PRDM15: variants seen among roughly 807,000 people sequenced by gnomAD.
PRDM15 encodes PR domain zinc finger protein 15.
PRDM15 carries 64 observed loss-of-function variants against 128.6 expected under a neutral mutation model. That is an observed-to-expected ratio of 0.50 (90% CI 0.41 to 0.61). PRDM15 has a LOEUF of 0.61. Among genes scored for constraint, PRDM15 ranks in the 20% least tolerant of loss-of-function variants. The pLI is 0.00. For missense variants in PRDM15, 1,242 were observed against 1,569.1 expected (o/e 0.79, Z 3.52); for synonymous variants, 615 against 621.8 (o/e 0.99, Z 0.16).
At position 41,806,480 on chromosome 21, in the gene PRDM15, TTACTAC is replaced by T. The variant is rs2061645920; in HGVS notation, c.2653-1872_2653-1867del. Reference sequence around the variant, plus strand: ...TCACCATCACCACCAGCACCACCCATTACTACCACCACCATCACCACCATCACCATC... The same window carrying T: ...TCACCATCACCACCAGCACCACCCATCACCACCATCACCACCATCACCATC... On this transcript the variant is annotated intron_variant, in intron 21 of 23. Coordinates refer to ENST00000398548, the MANE Select transcript of PRDM15 (RefSeq NM_001040424.3). 9.9e-5 allele frequency among the ~76,000 whole-genome samples: 4 copies of T among 40,418 alleles called. 1 individual carries two copies. Among genetic ancestry groups the T allele is most frequent in the Admixed American group, 9.3e-4 (3 of 3,214 alleles). 26.5% of individuals were successfully genotyped at this position (40,418 alleles called of 152,430 possible).
Position 41,810,116 on chromosome 21 carries a change from G to A in PRDM15, c.2652+38C>T, listed in dbSNP as rs758035350. On this transcript the variant is annotated intron_variant, in intron 21 of 23. Transcript: ENST00000398548. This position sits in a 1 kb window ranked among gnomAD's most constrained non-coding sequence, Gnocchi z 6.4. ...CATGGGGGTGTCCGGTGCGCGGCCC[G>A]CTGGCGGGGCACGGAGGGGGCACAG... The A allele has an allele frequency of 1.6e-5, 25 of 1,580,064 alleles. No individual in the cohort carries two copies. The highest frequency in any genetic ancestry group is 1.9e-4 in the Middle Eastern group (1 of 5,362).
chr21:41,858,365 G>A (rs2063704066), intron 3 of PRDM15, among the ~76,000 whole-genome samples: 1 of 152,090 alleles, frequency 6.6e-6, no homozygotes, highest in African/African-American at 2.4e-5. Context: ...GACAGAGGCG[G>A]ACATTGGGTG....
intron 4 of PRDM15, among the ~76,000 whole-genome samples, chr21:41,856,080 T>C (rs1421023632): frequency 7.6e-5 from 1 of 13,236 alleles, no homozygotes; most frequent in Admixed American, 6.2e-4. Context: ...CCTCCCTTCC[T>C]TCCCTCCCTC....
At chr21:41,829,530 A>C (rs1458189090) in intron 11 of PRDM15, among the ~76,000 whole-genome samples, 2 of 150,890 alleles carry the variant, frequency 1.3e-5, no homozygotes, top group Admixed American at 1.3e-4. Flanking sequence ...ATAATCACAC[A>C]CCACACAGAT....
At chr21:41,874,529 T>A (rs868233991) in intron 1 of PRDM15, among the ~76,000 whole-genome samples, 211 of 133,416 alleles carry the variant, frequency 1.6e-3, no homozygotes, top group Non-Finnish European at 2.4e-3. Context: ...ATATATATTT[T>A]TTTTTTTTTT....
chr21:41,851,036 G>T (rs570102795), intron 5 of PRDM15, among the ~76,000 whole-genome samples: 2 of 152,132 alleles, frequency 1.3e-5, no homozygotes, highest in Non-Finnish European at 1.5e-5. Context: ...TGGGTTCGTC[G>T]GCTGCCAATA....
chr21:41,815,697 G>A lies in PRDM15; in HGVS notation c.2392+8C>T, dbSNP rs776087805. The A allele has an allele frequency of 1.4e-5, 22 of 1,612,352 alleles. No homozygotes were observed. Among genetic ancestry groups the A allele is most frequent in the Admixed American group, 6.7e-5 (4 of 59,978 alleles). On this transcript the variant is annotated splice_region_variant and intron_variant, in intron 19 of 23. Coordinates refer to ENST00000398548, the MANE Select transcript of PRDM15 (RefSeq NM_001040424.3). ...CCGTGGCTGGCGCGGCCCGGGCCTCGGACTCACCCGTGTGCCGCTTGCAGT... is the reference window on the plus strand; with the variant it reads ...CCGTGGCTGGCGCGGCCCGGGCCTCAGACTCACCCGTGTGCCGCTTGCAGT...
At chr21:41,847,212 GA>G (rs1443567049) in intron 5 of PRDM15, 21 bp from the exon 6 acceptor site, 5 of 1,513,924 alleles carry the variant, frequency 3.3e-6, no homozygotes, top group Admixed American at 2.0e-5. Flanking sequence ...CATGAGAGGA[GA>G]AAAAGGTGAC....
rs766599747 is a variant in PRDM15, at chr21:41,859,124, G to A, written c.131+468C>T. Reference sequence around the variant, plus strand: ...ACTGAGCCGCCTCACCAGGCCTGCAGGGACTGCTTCTGGAAGCTGCTGTGG... The same window carrying A: ...ACTGAGCCGCCTCACCAGGCCTGCAAGGACTGCTTCTGGAAGCTGCTGTGG... On this transcript the variant is annotated intron_variant, in intron 3 of 23. Transcript: ENST00000398548. The surrounding 1 kb of genome is among the most constrained non-coding windows in gnomAD (Gnocchi z 5.3). The A allele has an allele frequency of 1.2e-6, 2 of 1,611,282 alleles. No homozygotes were observed. The highest frequency in any genetic ancestry group is 1.7e-5 in the Admixed American group (1 of 59,586).
chr21:41,810,792 C>T lies in PRDM15; in HGVS notation c.2437G>A (p.Glu813Lys), dbSNP rs2061839871. The T allele has an allele frequency of 1.2e-6, 2 of 1,614,054 alleles. No individual in the cohort carries two copies. The highest frequency in any genetic ancestry group is 1.3e-5 in the African/African-American group (1 of 74,932). ...MCELCGKTFSERNTMETHKLI... is the reference protein window; with the variant it reads ...MCELCGKTFSKRNTMETHKLI... ...TTGTGGGTCTCCATGGTGTTCCTCT[C>T]GCTGAATGTCTTCCCACACAATTCA... The change falls in exon 20 of 24, where the codon GAG becomes AAG. Residue 813 changes from glutamate to lysine, a missense_variant. Glu to Lys is a moderately conservative substitution (Grantham distance 56). Around this residue, in one of 3 missense-constraint regions of PRDM15, gnomAD observed 602 missense variants for 788.3 expected, o/e 0.76. Coordinates refer to ENST00000398548, the MANE Select transcript of PRDM15 (RefSeq NM_001040424.3). This position sits in a 1 kb window ranked among gnomAD's most constrained non-coding sequence, Gnocchi z 6.4.
Position 41,859,178 on chromosome 21 carries a change from C to G in PRDM15, c.131+414G>C. On this transcript the variant is annotated intron_variant, in intron 3 of 23. Coordinates refer to ENST00000398548, the MANE Select transcript of PRDM15 (RefSeq NM_001040424.3). The surrounding 1 kb of genome is among the most constrained non-coding windows in gnomAD (Gnocchi z 5.3). ...AGCCCTGTCCCTGTCCTCATAACCC[C>G]GCATCCCCTGCCCCGCCTGGGTGTG... 6.2e-7 allele frequency: 1 copy of G among 1,614,012 alleles called. No homozygotes were observed. Among genetic ancestry groups the G allele is most frequent in the Non-Finnish European group, 8.5e-7 (1 of 1,180,000 alleles).
chr21:41,830,097 CCA>C (rs1270476710), intron 11 of PRDM15, among the ~76,000 whole-genome samples: 1,951 of 150,340 alleles, frequency 0.013, 21 homozygotes, highest in Non-Finnish European at 0.019. Flanking sequence ...TCAACATACA[CCA>C]CAAACTCAAC....
At chr21:41,866,434 G>A (rs1172239847) in intron 1 of PRDM15, among the ~76,000 whole-genome samples, 1 of 152,256 alleles carries the variant, frequency 6.6e-6, no homozygotes, top group Non-Finnish European at 1.5e-5. Flanking sequence ...GACAGGAGGT[G>A]GCCCCGGCCT....
chr21:41,871,593 C>A, intron 1 of PRDM15: 1 of 1,611,452 alleles, frequency 6.2e-7, no homozygotes, highest in Non-Finnish European at 8.5e-7. Flanking sequence ...AAGAGCTGCT[C>A]ACTGACCCTC....
At chr21:41,874,369 C>T (rs564588251) in intron 1 of PRDM15, among the ~76,000 whole-genome samples, 1 of 151,972 alleles carries the variant, frequency 6.6e-6, no homozygotes, top group African/African-American at 2.4e-5. Context: ...ATGACAGGAC[C>T]AGCTAACAGT....
intron 3 of PRDM15, among the ~76,000 whole-genome samples, chr21:41,857,675 G>A (rs1386112430): frequency 3.3e-5 from 5 of 152,200 alleles, no homozygotes; most frequent in Admixed American, 6.5e-5. Flanking sequence ...GCAGTAGGAT[G>A]GCTGAACCCG....
At chr21:41,873,230 T>C (rs2064277713) in intron 1 of PRDM15, among the ~76,000 whole-genome samples, 4 of 152,190 alleles carry the variant, frequency 2.6e-5, no homozygotes. Context: ...CTTTCCTTAG[T>C]CTACTCCCCG....
At position 41,801,169 on chromosome 21, in the gene PRDM15, C is replaced by A; in HGVS notation, c.*71G>T. The A allele has an allele frequency of 1.3e-6, 2 of 1,490,504 alleles. No homozygotes were observed. The highest frequency in any genetic ancestry group is 1.8e-6 in the Non-Finnish European group (2 of 1,126,902). The allele number at this position is 1,490,504 out of a possible 1,614,324, so 92.3% of individuals were successfully genotyped here. A position where few individuals can be genotyped will look rare whatever the true frequency, so the allele number is the denominator to read the frequency against. The stretch of plus-strand genomic sequence containing the variant: ...GTATGACTTTTTGTTTGTTTGGTAT[C>A]CAGCAAACACATCTAAACAAATCCC... On this transcript the variant is annotated 3_prime_UTR_variant, in exon 24 of 24. Coordinates refer to ENST00000398548, the MANE Select transcript of PRDM15 (RefSeq NM_001040424.3).
intron 18 of PRDM15, 65 bp downstream of exon 18, chr21:41,819,517 T>A: frequency 4.3e-6 from 5 of 1,173,526 alleles, no homozygotes; most frequent in East Asian, 1.0e-4. Flanking sequence ...TCATGTCCCC[T>A]TCCAGCACCC....
Sources: gnomAD v4.1 joint callset for allele counts (sites outside exome capture counted in the v4.1 genomes callset) on GRCh38, gnomAD v4.1.1 for gene constraint, gnomAD v4.1.1 regional missense constraint, Gnocchi (gnomAD v3.1) non-coding constraint, MANE v1.5 for transcripts, NCBI Gene and HGNC (gene_info 2026-07-23, HGNC 2026-07-21) for gene names.